The following ANKRD36C variants were observed in gnomAD, a reference collection of about 807,000 sequenced individuals.
The protein encoded by ANKRD36C is ankyrin repeat domain-containing protein 36C.
A neutral mutation model predicts 276.4 loss-of-function variants in ANKRD36C; 61 were observed. The ratio of observed to expected loss-of-function variants is 0.22; its 90% CI spans 0.18 to 0.27. The LOEUF is 0.27. Among genes scored for constraint, ANKRD36C ranks in the 10% least tolerant of loss-of-function variants. The pLI, the probability that ANKRD36C is intolerant of heterozygous loss-of-function variation, is 1.00. For synonymous variants in ANKRD36C, 483 were observed against 680.1 expected, an observed-to-expected ratio of 0.71 and a Z score of 4.51; for missense variants, 1,447 against 2,032.3, an observed-to-expected ratio of 0.71 and a Z score of 5.54.
intron 10 of ANKRD36C, among the ~76,000 whole-genome samples, chr2:95,959,754 C>T (rs1678412323): frequency 6.6e-6 from 1 of 152,210 alleles, no homozygotes; most frequent in African/African-American, 2.4e-5. Context: ...TTACATTTAT[C>T]TCATTTGACT....
intron 32 of ANKRD36C, among the ~76,000 whole-genome samples, 183 bp downstream of exon 32, chr2:95,923,312 G>A (rs926110230): frequency 2.6e-5 from 4 of 151,374 alleles, no homozygotes; most frequent in Non-Finnish European, 4.4e-5. Context: ...TAATCTTACC[G>A]CGAAGATCAT....
chr2:95,931,528 T>C (rs1458780853), intron 24 of ANKRD36C, among the ~76,000 whole-genome samples: 1 of 150,520 alleles, frequency 6.6e-6, no homozygotes, highest in Non-Finnish European at 1.5e-5. Context: ...ATGTCTATGC[T>C]TTCCAGAGAA....
intron 64 of ANKRD36C, chr2:95,852,866 A>T (rs1675325555): frequency 6.6e-6 from 1 of 152,276 alleles, no homozygotes; most frequent in South Asian, 2.1e-4. Flanking sequence ...GATATTATTG[A>T]CTCTCCCATT....
chr2:95,889,688 A>G, intron 48 of ANKRD36C, 111 bp downstream of exon 68: 1 of 1,393,962 alleles, frequency 7.2e-7, no homozygotes, highest in South Asian at 1.3e-5. Context: ...AATCTCAGGA[A>G]TACTGAATCA....
In ANKRD36C at chr2:95,908,330, T is replaced by C. The variant is rs71238342; in HGVS notation, c.2653+3914A>G. Among the ~76,000 whole-genome samples the C allele has an allele frequency of 1.4e-3, 208 of 150,758 alleles. 2 individuals carry two copies. In the East Asian group the frequency reaches 0.017, roughly 12 times the overall value. On this transcript the variant is annotated intron_variant, in intron 42 of 66. Coordinates refer to ENST00000456556, the Ensembl canonical transcript of ANKRD36C. ...GTGTATAATCTTACGGCGAAGATCA[T>C]GTTCCAGACCAGCAGCATCATCATC...
chr2:95,876,894 A>G (rs1199828390), intron 58 of ANKRD36C, among the ~76,000 whole-genome samples: 1 of 151,772 alleles, frequency 6.6e-6, no homozygotes, highest in Non-Finnish European at 1.5e-5. Flanking sequence ...AAAACCAGAA[A>G]ATAAAAGTGT....
At position 95,910,425 on chromosome 2, in the gene ANKRD36C, A is replaced by G. The variant is rs750058312; in HGVS notation, c.2653+1819T>C. On this transcript the variant is annotated intron_variant, in intron 42 of 66. Coordinates refer to ENST00000456556, the Ensembl canonical transcript of ANKRD36C. ...CTTCTCTGGCTATACTCAAAACAGA[A>G]TCTTCCTCGTCACTTGTAGCCTGAA... 15 of 1,560,424 alleles carry G rather than the reference A, an allele frequency of 9.6e-6. No homozygotes were observed. In the African/African-American group the frequency reaches 1.8e-4, roughly 18 times the overall value.
At chr2:95,974,700 C>T (rs528070969) in intron 6 of ANKRD36C, among the ~76,000 whole-genome samples, 19 of 151,716 alleles carry the variant, frequency 1.3e-4, no homozygotes, top group Admixed American at 4.6e-4. Context: ...ATGTGCACAA[C>T]GTGAAGGTTT....
intron 32 of ANKRD36C, 37 bp from the exon 33 acceptor site, chr2:95,921,847 A>G (rs772207265): frequency 1.3e-6 from 2 of 1,576,112 alleles, no homozygotes; most frequent in Non-Finnish European, 1.7e-6. Context: ...ATATGTAAAT[A>G]TGATACATTT....
chr2:95,914,167 T>C, exon 40 of ANKRD36C: 1 of 1,584,660 alleles, frequency 6.3e-7, no homozygotes, highest in Non-Finnish European at 8.6e-7. Context: ...AGAATCTTCC[T>C]CGTCACTTGT....
At chr2:95,967,762 A>C (rs1331868175) in intron 6 of ANKRD36C, among the ~76,000 whole-genome samples, 1 of 152,034 alleles carries the variant, frequency 6.6e-6, no homozygotes, top group Non-Finnish European at 1.5e-5. Flanking sequence ...TTGAAAACAG[A>C]CTGGGCAACA....
At chr2:95,956,066 G>A (rs1678319732) in intron 13 of ANKRD36C, among the ~76,000 whole-genome samples, 1 of 152,150 alleles carries the variant, frequency 6.6e-6, no homozygotes, top group Admixed American at 6.6e-5. Flanking sequence ...AAACTAGGCA[G>A]GGTACTCACT....
intron 4 of ANKRD36C, 111 bp from the exon 5 acceptor site, chr2:95,980,896 T>C (rs989989870): frequency 6.4e-6 from 9 of 1,407,958 alleles, no homozygotes; most frequent in Middle Eastern, 5.2e-4. Flanking sequence ...CCCAATTACA[T>C]GTACTAAGAA....
chr2:95,921,588 A>C lies in ANKRD36C; in HGVS notation c.2245+19T>G, dbSNP rs1677270212. 2 of 1,599,484 alleles carry C rather than the reference A, an allele frequency of 1.3e-6. No individual in the cohort carries two copies. The highest frequency in any genetic ancestry group is 1.7e-6 in the Non-Finnish European group (2 of 1,172,338). ...CTATCTGGATTGAACATGACATTAA[A>C]TGTCTTTTGCAAAATTACCTGTCCC... On this transcript the variant is annotated intron_variant, in intron 34 of 66. Coordinates refer to ENST00000456556, the Ensembl canonical transcript of ANKRD36C.
chr2:95,860,524 T>C (rs1042974299), intron 60 of ANKRD36C, among the ~76,000 whole-genome samples: 1 of 152,178 alleles, frequency 6.6e-6, no homozygotes, highest in Non-Finnish European at 1.5e-5. Flanking sequence ...TGTTACTAGC[T>C]CTGATGGAGT....
At position 95,871,405 on chromosome 2, in the gene ANKRD36C, C is replaced by A. The variant is rs1354721296; in HGVS notation, c.3541-3824G>T. On this transcript the variant is annotated intron_variant, in intron 59 of 66. Transcript: ENST00000456556. ...GAATTTTCAACCCAGAATTTCATAT[C>A]CTGCCAAACTAAGCTTCATAAGTGA... Among the ~76,000 whole-genome samples, 5 of 152,128 alleles carry A rather than the reference C, an allele frequency of 3.3e-5. No individual in the cohort carries two copies. In the East Asian group the frequency reaches 9.7e-4, roughly 29 times the overall value.
chr2:95,923,760 G>A, intron 30 of ANKRD36C, 71 bp from the exon 31 acceptor site: 1 of 1,589,144 alleles, frequency 6.3e-7, no homozygotes, highest in Non-Finnish European at 8.6e-7. Flanking sequence ...TTCATGAAGT[G>A]TTAGAATCAA....
intron 46 of ANKRD36C, 134 bp from the exon 67 acceptor site, chr2:95,890,128 TC>T: frequency 8.2e-7 from 1 of 1,217,202 alleles, no homozygotes; most frequent in Non-Finnish European, 1.2e-6. Context: ...CTATATTGTG[TC>T]GGGGACAAGA....
downstream of ANKRD36C, among the ~76,000 whole-genome samples, chr2:95,849,412 C>T (rs368215758): frequency 6.6e-6 from 1 of 152,152 alleles, no homozygotes. Flanking sequence ...AGATTTTACT[C>T]ATTAGTAGAT....
Sources: allele counts gnomAD v4.1 joint callset (sites outside exome capture counted in the v4.1 genomes callset), GRCh38; gene constraint gnomAD v4.1.1; transcripts MANE v1.5; gene names NCBI Gene and HGNC (gene_info 2026-07-23, HGNC 2026-07-21).